TRIM5: variants seen among roughly 807,000 people sequenced by gnomAD.
TRIM5 encodes tripartite motif containing 5.
TRIM5 carries 31 observed loss-of-function variants against 35.6 expected under a neutral mutation model. The observed-to-expected ratio is 0.87, with a 90% CI of 0.65 to 1.18. The LOEUF is 1.18. TRIM5 is among the 50% of genes most tolerant of loss of function. TRIM5 has a pLI of 0.00. For synonymous variants in TRIM5, 243 were observed against 215.6 expected, an observed-to-expected ratio of 1.13 and a Z score of -1.11; for missense variants, 609 against 591.6, an observed-to-expected ratio of 1.03 and a Z score of -0.31.
intron 4 of TRIM5, among the ~76,000 whole-genome samples, chr11:5,677,555 A>C (rs1852086621): frequency 6.6e-6 from 1 of 152,184 alleles, no homozygotes; most frequent in Non-Finnish European, 1.5e-5. Context: ...GCGATTCCTC[A>C]GGGATCTAGA....
intron 4 of TRIM5, among the ~76,000 whole-genome samples, chr11:5,668,367 T>C (rs1283482716): frequency 6.6e-6 from 1 of 152,236 alleles, no homozygotes; most frequent in Non-Finnish European, 1.5e-5. Context: ...GAATCAAAGA[T>C]GAATGAATAA....
the TRIM5 span, among the ~76,000 whole-genome samples, chr11:5,632,960 C>G: frequency 0.025 from 3,700 of 147,682 alleles, 134 homozygotes; most frequent in African/African-American, 0.083. Context: ...CCAAGTAGCT[C>G]GGATTACAGG....
chr11:5,615,650 G>A, the TRIM5 span, among the ~76,000 whole-genome samples: 1 of 150,730 alleles, frequency 6.6e-6, no homozygotes, highest in Non-Finnish European at 1.5e-5. Flanking sequence ...CTGGAGTGCA[G>A]TGGCGTGATC....
the TRIM5 span, chr11:5,605,715 T>G: frequency 1.0e-6 from 1 of 995,620 alleles, no homozygotes; most frequent in Non-Finnish European, 1.4e-6. Flanking sequence ...ATTAAACTGT[T>G]TAGAGGTATG....
At chr11:5,677,119 A>C (rs972911453) in intron 4 of TRIM5, among the ~76,000 whole-genome samples, 642 of 152,120 alleles carry the variant, frequency 4.2e-3, no homozygotes, top group Non-Finnish European at 6.8e-3. Context: ...TAATTAAACT[A>C]AAGAGCTTCT....
chr11:5,597,548 A>C, the TRIM5 span, among the ~76,000 whole-genome samples: 1 of 152,188 alleles, frequency 6.6e-6, no homozygotes, highest in South Asian at 2.1e-4. Context: ...ATAAAAAAAA[A>C]TGTTATTCCT....
At chr11:5,602,656 G>C in the TRIM5 span, among the ~76,000 whole-genome samples, 1 of 151,342 alleles carries the variant, frequency 6.6e-6, no homozygotes, top group Non-Finnish European at 1.5e-5. Context: ...TTTTGGGTGA[G>C]AAAAGGTCAC....
rs577786327 is a variant in TRIM5, at chr11:5,673,493, A to G, written c.744+4711T>C. ...TCAATAACAACTGGTGAAGATTTCA[A>G]TAATTTACTCTCAGTAATTAATAGA... On this transcript the variant is annotated intron_variant, in intron 4 of 7. Coordinates refer to ENST00000380034, the MANE Select transcript of TRIM5 (RefSeq NM_033034.3). Among the ~76,000 whole-genome samples the G allele has an allele frequency of 8.5e-5, 13 of 152,308 alleles. No individual in the cohort carries two copies. The South Asian group carries it at 2.3e-3, about 27-fold the overall frequency.
At chr11:5,618,889 A>G in the TRIM5 span, among the ~76,000 whole-genome samples, 2 of 152,372 alleles carry the variant, frequency 1.3e-5, no homozygotes, top group Non-Finnish European at 2.9e-5. Flanking sequence ...TGACAAAGCT[A>G]AAACCGTGAC....
chr11:5,646,816 G>C, the TRIM5 span, among the ~76,000 whole-genome samples: 3 of 152,142 alleles, frequency 2.0e-5, no homozygotes, highest in Non-Finnish European at 4.4e-5. Context: ...CTTACTCTCT[G>C]TATGACCATG....
intron 1 of TRIM5, among the ~76,000 whole-genome samples, chr11:5,681,630 G>A (rs935021048): frequency 2.9e-4 from 44 of 152,002 alleles, no homozygotes; most frequent in Non-Finnish European, 4.9e-4. Context: ...GGAGGCCTGG[G>A]AGTTCCTTCA....
chr11:5,603,604 G>A, the TRIM5 span: 1 of 1,613,848 alleles, frequency 6.2e-7, no homozygotes, highest in Non-Finnish European at 8.5e-7. Flanking sequence ...AGTTCTTTGT[G>A]CAGACCATGG....
the TRIM5 span, chr11:5,632,819 A>G: frequency 1.8e-5 from 23 of 1,280,576 alleles, no homozygotes; most frequent in Non-Finnish European, 2.2e-5. Flanking sequence ...TCACCTTTTC[A>G]TCCTTTTTTT....
the TRIM5 span, among the ~76,000 whole-genome samples, chr11:5,605,977 CACCCCAGATGTGACA>C: frequency 1.5e-4 from 23 of 152,270 alleles, no homozygotes; most frequent in Admixed American, 5.9e-4. Context: ...TCAGCAGCAC[CACCCCAGATGTGACA>C]ACCCCAAATT....
At chr11:5,650,281 T>C in the TRIM5 span, among the ~76,000 whole-genome samples, 67 of 152,298 alleles carry the variant, frequency 4.4e-4, 2 homozygotes, top group East Asian at 0.012. Flanking sequence ...CCATTGGCCA[T>C]TGCCCGTGAT....
At chr11:5,598,531 T>C in the TRIM5 span, among the ~76,000 whole-genome samples, 2 of 152,210 alleles carry the variant, frequency 1.3e-5, no homozygotes, top group Non-Finnish European at 2.9e-5. Context: ...GTGAAATTAA[T>C]TTTAATACAT....
At chr11:5,632,897 G>T in the TRIM5 span, 1 of 1,156,096 alleles carries the variant, frequency 8.6e-7, no homozygotes, top group Non-Finnish European at 1.1e-6. Context: ...CGTGCTCTCG[G>T]CTCACTGCAA....
At chr11:5,661,682 G>A (rs1337821623), downstream of TRIM5, among the ~76,000 whole-genome samples, 1 of 152,168 alleles carries the variant, frequency 6.6e-6, no homozygotes, top group East Asian at 1.9e-4. Flanking sequence ...CACAGGCAGA[G>A]AGAAAATCCA....
rs1475683142 is a variant in TRIM5 at position 5,680,109 on chromosome 11, T to C, written c.69A>G (p.Thr23=). The C allele has an allele frequency of 1.2e-5, 20 of 1,613,990 alleles. No homozygotes were observed. The East Asian group carries it at 3.6e-4, about 29-fold the overall frequency. Residue 23 remains threonine, a synonymous_variant, in exon 2 of 8, where the codon ACA becomes ACG. Transcript: ENST00000380034. ...GGCCGCAGTCCAGGCTCAGGGGTTG[T>C]GTCAGGAGTTCCAGGCAGATGGGGC... ...VTCPICLELL[T]QPLSLDCGHS... is the part of the protein sequence containing the mutation.
Sources: gnomAD v4.1 joint callset for allele counts (sites outside exome capture counted in the v4.1 genomes callset) on GRCh38, gnomAD v4.1.1 for gene constraint, MANE v1.5 for transcripts, NCBI Gene and HGNC (gene_info 2026-07-23, HGNC 2026-07-21) for gene names.